PTPRO: variants seen among roughly 807,000 people sequenced by gnomAD.
The protein encoded by PTPRO is protein tyrosine phosphatase receptor type O.
Under a neutral mutation model 145.2 loss-of-function variants are expected in PTPRO, and 62 were observed. The observed-to-expected ratio is 0.43, with a 90% CI of 0.35 to 0.53. The LOEUF (loss-of-function observed/expected upper bound fraction) is 0.53, where lower values mean the gene tolerates loss of function less well. PTPRO is among the 20% of genes least tolerant of loss of function. The pLI, the probability that PTPRO is intolerant of heterozygous loss-of-function variation, is 0.01. For missense variants in PTPRO, 1,345 were observed against 1,482.7 expected (o/e 0.91, Z 1.53); for synonymous variants, 565 against 514.7 (o/e 1.10, Z -1.32).
At chr12:15,392,800 G>T (rs1939227164) in intron 1 of PTPRO, among the ~76,000 whole-genome samples, 1 of 149,500 alleles carries the variant, frequency 6.7e-6, no homozygotes, top group African/African-American at 2.5e-5. Context: ...CCCTATTATT[G>T]TAGTCACTCT....
At chr12:15,462,024 G>T (rs1424282543) in intron 1 of PTPRO, among the ~76,000 whole-genome samples, 1 of 152,112 alleles carries the variant, frequency 6.6e-6, no homozygotes, top group African/African-American at 2.4e-5. Context: ...TTGCTTGAAG[G>T]TGCTATGCTC....
At chr12:15,423,134 A>C (rs1378470926) in intron 1 of PTPRO, among the ~76,000 whole-genome samples, 1 of 152,174 alleles carries the variant, frequency 6.6e-6, no homozygotes, top group Admixed American at 6.5e-5. Flanking sequence ...CAACTGGTGG[A>C]AAGTCCCCCA....
chr12:15,359,247 T>C (rs1398778189), intron 1 of PTPRO, among the ~76,000 whole-genome samples: 1 of 152,180 alleles, frequency 6.6e-6, no homozygotes, highest in African/African-American at 2.4e-5. Context: ...TTAAGAGTTA[T>C]AGTAATATTG....
intron 1 of PTPRO, among the ~76,000 whole-genome samples, chr12:15,408,444 T>C (rs1186947704): frequency 1.3e-5 from 2 of 152,154 alleles, no homozygotes; most frequent in African/African-American, 2.4e-5. Flanking sequence ...GTTGTTGTTG[T>C]TTGAGACAGA....
intron 18 of PTPRO, among the ~76,000 whole-genome samples, chr12:15,567,890 T>C (rs891193636): frequency 6.6e-6 from 1 of 152,192 alleles, no homozygotes; most frequent in Non-Finnish European, 1.5e-5. Flanking sequence ...GGAGCTAATG[T>C]TGTCTATTCC....
chr12:15,455,292 A>T (rs990887212), intron 1 of PTPRO, among the ~76,000 whole-genome samples: 3 of 151,326 alleles, frequency 2.0e-5, no homozygotes, highest in Non-Finnish European at 4.4e-5. Flanking sequence ...AACACTGTTC[A>T]CCTCCCCACT....
chr12:15,572,823 A>T lies in PTPRO; in HGVS notation c.2829+3325A>T, dbSNP rs1446806713. Reference sequence around the variant, plus strand: ...TGGACAAGTACCAGTCAGCCCCCAGATGAAATTTGAAAATGTGTGGGAGTG... The same window carrying T: ...TGGACAAGTACCAGTCAGCCCCCAGTTGAAATTTGAAAATGTGTGGGAGTG... On this transcript the variant is annotated intron_variant, in intron 19 of 26. Transcript: ENST00000281171. 3.9e-5 allele frequency among the ~76,000 whole-genome samples: 6 copies of T among 152,182 alleles called. No individual in the cohort carries two copies. The East Asian group carries it at 9.6e-4, about 24-fold the overall frequency.
rs372827155 is a variant in PTPRO at position 15,499,601 on chromosome 12, C to T, written c.661+7C>T. 7 of 1,610,564 alleles carry T rather than the reference C, an allele frequency of 4.3e-6. No homozygotes were observed. The South Asian group carries it at 6.6e-5, about 15-fold the overall frequency. The stretch of plus-strand genomic sequence containing the variant: ...CCCAAACAGCACAGAACTGGTAAGT[C>T]TCCTGAAGAATCAAATACAGTGAAA... On this transcript the variant is annotated splice_region_variant and intron_variant, in intron 4 of 26. Coordinates refer to ENST00000281171, the MANE Select transcript of PTPRO (RefSeq NM_030667.3).
At chr12:15,589,846 A>AGAGGTTT (rs1944510063) in intron 25 of PTPRO, among the ~76,000 whole-genome samples, 3 of 152,262 alleles carry the variant, frequency 2.0e-5, no homozygotes, top group African/African-American at 7.2e-5. Context: ...TAAGAGTAAA[A>AGAGGTTT]CCTCTTTGAA....
intron 1 of PTPRO, among the ~76,000 whole-genome samples, chr12:15,388,756 T>G (rs1299382420): frequency 6.6e-6 from 1 of 152,196 alleles, no homozygotes; most frequent in Non-Finnish European, 1.5e-5. Flanking sequence ...TCTTTTCTAG[T>G]GAGCACATCC....
intron 1 of PTPRO, among the ~76,000 whole-genome samples, chr12:15,469,766 G>T: frequency 4.0e-5 from 1 of 24,916 alleles, no homozygotes; most frequent in Admixed American, 5.6e-4. Flanking sequence ...TTAGTGTCCT[G>T]ACAAAAAAAA....
At chr12:15,481,740 A>G (rs955138248) in intron 1 of PTPRO, among the ~76,000 whole-genome samples, 7 of 152,226 alleles carry the variant, frequency 4.6e-5, no homozygotes, top group African/African-American at 1.7e-4. Flanking sequence ...GACATTCTTT[A>G]TAAGTACTAG....
intron 1 of PTPRO, among the ~76,000 whole-genome samples, chr12:15,474,349 C>T (rs918027977): frequency 1.4e-4 from 22 of 152,236 alleles, no homozygotes; most frequent in African/African-American, 3.9e-4. Flanking sequence ...CTTCTCTCCC[C>T]GAAGACTGCT....
intron 1 of PTPRO, among the ~76,000 whole-genome samples, chr12:15,367,901 A>G (rs1938410712): frequency 6.6e-6 from 1 of 152,138 alleles, no homozygotes; most frequent in Non-Finnish European, 1.5e-5. Flanking sequence ...GAGTGAAGGG[A>G]GTCATAGCTC....
At chr12:15,513,515 T>G (rs531758691) in intron 7 of PTPRO, among the ~76,000 whole-genome samples, 75 of 152,354 alleles carry the variant, frequency 4.9e-4, no homozygotes, top group African/African-American at 1.8e-3. Context: ...CTCCTTTTAC[T>G]TACATGCAGA....
At chr12:15,508,975 G>T (rs534652418) in intron 7 of PTPRO, among the ~76,000 whole-genome samples, 4 of 152,186 alleles carry the variant, frequency 2.6e-5, no homozygotes, top group African/African-American at 9.6e-5. Context: ...TCAGAGGAGG[G>T]TCATGTTCTT....
At chr12:15,529,938 A>AAAGAAAT (rs1262650415) in intron 12 of PTPRO, among the ~76,000 whole-genome samples, 3 of 152,224 alleles carry the variant, frequency 2.0e-5, no homozygotes, top group African/African-American at 7.2e-5. Context: ...CTGAATGGAT[A>AAAGAAAT]AAGAAATAAG....
At chr12:15,375,606 A>T (rs1242639531) in intron 1 of PTPRO, among the ~76,000 whole-genome samples, 1 of 151,902 alleles carries the variant, frequency 6.6e-6, no homozygotes. Context: ...AAATACAAAA[A>T]TTAGCCAGGC....
chr12:15,361,841 T>G (rs1938220191), intron 1 of PTPRO, among the ~76,000 whole-genome samples: 1 of 152,208 alleles, frequency 6.6e-6, no homozygotes, highest in Non-Finnish European at 1.5e-5. Flanking sequence ...ACAAGAACCT[T>G]AAAGTTCATT....
Sources: gnomAD v4.1 joint callset for allele counts (sites outside exome capture counted in the v4.1 genomes callset) on GRCh38, gnomAD v4.1.1 for gene constraint, MANE v1.5 for transcripts, NCBI Gene and HGNC (gene_info 2026-07-23, HGNC 2026-07-21) for gene names.